BMPR1A: variants seen among roughly 807,000 people sequenced by gnomAD.
The protein encoded by BMPR1A is bone morphogenetic protein receptor type 1A, also known as bone morphogenetic protein receptor type-1A.
Under a neutral mutation model 66.0 loss-of-function variants are expected in BMPR1A, and 7 were observed. That is an observed-to-expected ratio of 0.11 (90% CI 0.06 to 0.20). The LOEUF (loss-of-function observed/expected upper bound fraction) is 0.20. BMPR1A is among the 10% of genes least tolerant of loss of function. BMPR1A has a pLI of 1.00. For missense variants in BMPR1A, 408 were observed against 669.1 expected (o/e 0.61, Z 4.31); for synonymous variants, 200 against 229.7 (o/e 0.87, Z 1.17).
At chr10:86,852,266 C>G (rs1842580122) in intron 2 of BMPR1A, among the ~76,000 whole-genome samples, 1 of 152,142 alleles carries the variant, frequency 6.6e-6, no homozygotes, top group Non-Finnish European at 1.5e-5. Flanking sequence ...GAATAACAAA[C>G]TGTACACATT....
downstream of BMPR1A, chr10:86,932,199 TAGA>T (rs1459621011): frequency 1.3e-5 from 2 of 152,230 alleles, no homozygotes; most frequent in Non-Finnish European, 2.9e-5. Context: ...TCTGACCTAT[TAGA>T]AGCAAATTAC....
At chr10:86,773,390 A>T (rs1240891744) in intron 1 of BMPR1A, among the ~76,000 whole-genome samples, 7 of 151,962 alleles carry the variant, frequency 4.6e-5, no homozygotes, top group Non-Finnish European at 7.4e-5. Context: ...GGAGTTTGAG[A>T]CTAGCCTAGC....
At chr10:86,901,577 C>T (rs1331260636) in intron 7 of BMPR1A, among the ~76,000 whole-genome samples, 1 of 152,200 alleles carries the variant, frequency 6.6e-6, no homozygotes, top group Non-Finnish European at 1.5e-5. Flanking sequence ...TCATCTGCTT[C>T]ATGAATTCCA....
At chr10:86,788,081 A>AT (rs1841544004) in intron 1 of BMPR1A, among the ~76,000 whole-genome samples, 1 of 152,288 alleles carries the variant, frequency 6.6e-6, no homozygotes, top group East Asian at 1.9e-4. Flanking sequence ...CAGCGGTTTG[A>AT]TCTTAAAATT....
At chr10:86,876,113 A>G in intron 3 of BMPR1A, 28 bp downstream of exon 3, 1 of 1,570,546 alleles carries the variant, frequency 6.4e-7, no homozygotes, top group Non-Finnish European at 8.8e-7. Context: ...TTAGTAATGT[A>G]TGTGTGTATA....
chr10:86,847,971 G>A lies in BMPR1A; in HGVS notation c.-153+8992G>A, dbSNP rs150811783. 2.4e-3 allele frequency among the ~76,000 whole-genome samples: 363 copies of A among 149,072 alleles called. 2 individuals are homozygous for A. Among genetic ancestry groups the A allele is most frequent in the African/African-American group, 8.5e-3 (345 of 40,454 alleles). ...TTTTGAGATAGAGTCTCCATCTGTC[G>A]CCCAAGTTGGAGTACAGTGGTGCCA... On this transcript the variant is annotated intron_variant, in intron 2 of 12. Coordinates refer to ENST00000372037, the MANE Select transcript of BMPR1A (RefSeq NM_004329.3).
intron 1 of BMPR1A, among the ~76,000 whole-genome samples, chr10:86,834,877 T>A (rs901172765): frequency 1.9e-4 from 29 of 152,098 alleles, no homozygotes; most frequent in Admixed American, 1.9e-3. Flanking sequence ...TCTTTTTTTT[T>A]AATGGTCCTA....
At chr10:86,889,576 T>C (rs1314824934) in intron 3 of BMPR1A, 4 of 164,794 alleles carry the variant, frequency 2.4e-5, no homozygotes, top group Non-Finnish European at 5.3e-5. Flanking sequence ...TATATACTTT[T>C]ACCTGGCAGG....
In BMPR1A at chr10:86,762,767, C is replaced by T. The variant is rs76198952; in HGVS notation, c.-268+5848C>T. Among the ~76,000 whole-genome samples, 201 of 152,298 alleles carry T rather than the reference C, an allele frequency of 1.3e-3. 1 individual carries two copies. Among genetic ancestry groups the T allele is most frequent in the African/African-American group, 4.5e-3 (189 of 41,554 alleles). ...CAAAAAGGAAGTCCAGGGAATGTTA[C>T]AAGACTGATAAGGGAAGCTGGGCTG... is the stretch of plus-strand genomic sequence containing the variant. On this transcript the variant is annotated intron_variant, in intron 1 of 12. Transcript: ENST00000372037.
intron 1 of BMPR1A, among the ~76,000 whole-genome samples, chr10:86,758,950 A>C (rs1318410361): frequency 6.6e-6 from 1 of 152,228 alleles, no homozygotes. Context: ...AGGCAGTAAG[A>C]TACAACAGAT....
Position 86,854,384 on chromosome 10 carries a change from TTAAAG to T in BMPR1A, c.-153+15411_-153+15415del, listed in dbSNP as rs555723905. ...CTCCTCAGCTGACAGGATTAAGAGA[TTAAAG>T]TAAAGACAAGCATAGGAAATCACAA... On this transcript the variant is annotated intron_variant, in intron 2 of 12. Transcript: ENST00000372037. Among the ~76,000 whole-genome samples the T allele has an allele frequency of 4.4e-3, 671 of 152,272 alleles. 3 individuals are homozygous for T. The highest frequency in any genetic ancestry group is 5.0e-3 in the Non-Finnish European group (337 of 68,024).
At chr10:86,757,669 T>C (rs1847899293) in intron 1 of BMPR1A, among the ~76,000 whole-genome samples, 1 of 152,246 alleles carries the variant, frequency 6.6e-6, no homozygotes, top group Non-Finnish European at 1.5e-5. Context: ...GCAGGTTTTC[T>C]CTTTTAAGCG....
chr10:86,778,822 A>G (rs895135823), intron 1 of BMPR1A, among the ~76,000 whole-genome samples: 5 of 152,078 alleles, frequency 3.3e-5, no homozygotes, highest in African/African-American at 1.2e-4. Flanking sequence ...CATGAGTGAG[A>G]ACATGTGGTG....
intron 1 of BMPR1A, among the ~76,000 whole-genome samples, chr10:86,797,383 A>T (rs1841734587): frequency 1.3e-5 from 2 of 151,568 alleles, no homozygotes; most frequent in African/African-American, 4.8e-5. Context: ...GGCGCCCACC[A>T]CTATGTCCAG....
chr10:86,906,748 A>AAAAAAAAAAAAAAAAAAT (rs1843397455), intron 7 of BMPR1A, among the ~76,000 whole-genome samples: 1 of 138,252 alleles, frequency 7.2e-6, no homozygotes, highest in Non-Finnish European at 1.6e-5. Context: ...AAAAAAAAAA[A>AAAAAAAAAAAAAAAAAAT]AAAAAAAAAA....
chr10:86,785,224 C>A (rs1032938226), intron 1 of BMPR1A, among the ~76,000 whole-genome samples: 34 of 152,194 alleles, frequency 2.2e-4, no homozygotes, highest in African/African-American at 7.0e-4. Context: ...GTTCTGTGGC[C>A]TAACATGTGA....
intron 2 of BMPR1A, among the ~76,000 whole-genome samples, chr10:86,862,572 G>A (rs1347344654): frequency 2.6e-5 from 4 of 152,204 alleles, no homozygotes; most frequent in South Asian, 4.1e-4. Flanking sequence ...CAGGAGGCCA[G>A]TTAGGAGGTG....
chr10:86,894,570 T>C (rs2133423712), intron 5 of BMPR1A, among the ~76,000 whole-genome samples: 1 of 152,338 alleles, frequency 6.6e-6, no homozygotes, highest in East Asian at 1.9e-4. Context: ...AACAGGCCCC[T>C]AGTGTAGGCC....
chr10:86,898,510 T>TTAG (rs986295874), intron 5 of BMPR1A, among the ~76,000 whole-genome samples: 5 of 152,180 alleles, frequency 3.3e-5, no homozygotes, highest in Admixed American at 6.5e-5. Context: ...CGTTTCCCAC[T>TTAG]TAGTAGTGTT....
Sources: gnomAD v4.1 joint callset for allele counts (sites outside exome capture counted in the v4.1 genomes callset) on GRCh38, gnomAD v4.1.1 for gene constraint, MANE v1.5 for transcripts, NCBI Gene and HGNC (gene_info 2026-07-23, HGNC 2026-07-21) for gene names.